Variants in RTTN observed in about 807,000 individuals in gnomAD.
RTTN encodes the protein rotatin.
In RTTN, 182 loss-of-function variants were observed where a neutral mutation model predicts 269.2. The ratio of observed to expected loss-of-function variants is 0.68; its 90% CI spans 0.60 to 0.76. RTTN has a LOEUF of 0.76. Ranked by LOEUF, RTTN falls within the 30% of genes least tolerant of loss-of-function variation. RTTN has a pLI of 0.00. For missense variants in RTTN, 2,545 were observed against 2,608.6 expected (o/e 0.98, Z 0.53); for synonymous variants, 1,006 against 963.5 (o/e 1.04, Z -0.82).
chr18:70,174,923 G>A (rs2061248950), intron 11 of RTTN, among the ~76,000 whole-genome samples: 1 of 150,906 alleles, frequency 6.6e-6, no homozygotes, highest in African/African-American at 2.4e-5. Flanking sequence ...AGCTACTTGG[G>A]AGGCTGAGGA....
At chr18:70,009,604 C>A (rs1021493137) in intron 46 of RTTN, among the ~76,000 whole-genome samples, 1 of 152,138 alleles carries the variant, frequency 6.6e-6, no homozygotes, top group Admixed American at 6.6e-5. Flanking sequence ...AAGGAAAAAC[C>A]TGTACCAGCC....
intron 10 of RTTN, 81 bp downstream of exon 10, chr18:70,188,027 G>T: frequency 2.6e-6 from 2 of 762,816 alleles, no homozygotes; most frequent in Non-Finnish European, 2.3e-6. Flanking sequence ...GAACACGAAT[G>T]AGACAATGAA....
At chr18:70,031,144 G>T (rs187359356) in intron 40 of RTTN, among the ~76,000 whole-genome samples, 163 bp from the exon 41 acceptor site, 1 of 152,172 alleles carries the variant, frequency 6.6e-6, no homozygotes, top group South Asian at 2.1e-4. Flanking sequence ...AATGTTCTGC[G>T]TGGATAAGAC....
intron 42 of RTTN, 74 bp downstream of exon 42, chr18:70,029,938 G>A (rs377344925): frequency 2.9e-5 from 29 of 1,003,766 alleles, no homozygotes; most frequent in African/African-American, 2.4e-4. Context: ...TTTCAAGCTC[G>A]TGCTCATTTC....
rs2057755807 is a variant in RTTN at position 70,054,298 on chromosome 18, A to C, written c.5032-14T>G. On this transcript the variant is annotated splice_polypyrimidine_tract_variant and intron_variant, in intron 37 of 48. Coordinates refer to ENST00000640769, the MANE Select transcript of RTTN (RefSeq NM_173630.4). The stretch of plus-strand genomic sequence containing the variant: ...GAGAAAGGAAACCTGTTTGAAAAGG[A>C]GACAGGGTCAAATCAAACATGCCAT... 6.3e-7 allele frequency: 1 copy of C among 1,598,994 alleles called. No homozygotes were observed. Among genetic ancestry groups the C allele is most frequent in the South Asian group, 1.1e-5 (1 of 88,330 alleles).
At chr18:70,064,049 T>C (rs996469818) in intron 35 of RTTN, among the ~76,000 whole-genome samples, 5 of 149,380 alleles carry the variant, frequency 3.3e-5, no homozygotes, top group Non-Finnish European at 7.4e-5. Context: ...GAAAGCATAC[T>C]ATTTGTGGAC....
intron 40 of RTTN, among the ~76,000 whole-genome samples, chr18:70,042,880 C>T (rs2057387057): frequency 6.6e-6 from 1 of 152,142 alleles, no homozygotes. Context: ...AGAAGAGACG[C>T]TACGCAAAAA....
Position 70,193,268 on chromosome 18 carries a change from G to C in RTTN, c.1007+20C>G. ...TTAACCGGCATTTCTCATTTCCCCAGAGACACTGCTAGCAGTCACCTAGAG... is the reference window on the plus strand; with the variant it reads ...TTAACCGGCATTTCTCATTTCCCCACAGACACTGCTAGCAGTCACCTAGAG... On this transcript the variant is annotated intron_variant, in intron 8 of 48. Coordinates refer to ENST00000640769, the MANE Select transcript of RTTN (RefSeq NM_173630.4). The C allele has an allele frequency of 1.9e-6, 3 of 1,591,084 alleles. No individual in the cohort carries two copies. The highest frequency in any genetic ancestry group is 2.6e-6 in the Non-Finnish European group (3 of 1,169,102).
intron 2 of RTTN, among the ~76,000 whole-genome samples, chr18:70,204,541 A>C (rs2062029309): frequency 6.6e-6 from 1 of 152,184 alleles, no homozygotes. Flanking sequence ...TTAATGGGTT[A>C]CTTTTTTCCA....
At chr18:70,155,678 C>T (rs942454512) in intron 14 of RTTN, among the ~76,000 whole-genome samples, 3 of 152,146 alleles carry the variant, frequency 2.0e-5, no homozygotes, top group Admixed American at 6.5e-5. Context: ...GAGGGTCTGG[C>T]GCAGTAATGG....
chr18:70,082,614 C>G (rs2058599281), intron 32 of RTTN, among the ~76,000 whole-genome samples: 1 of 152,176 alleles, frequency 6.6e-6, no homozygotes, highest in African/African-American at 2.4e-5. Flanking sequence ...AAACACTGGA[C>G]AGTTGGGAGC....
At chr18:70,060,690 G>T (rs548320308) in intron 35 of RTTN, among the ~76,000 whole-genome samples, 2 of 152,092 alleles carry the variant, frequency 1.3e-5, no homozygotes, top group East Asian at 3.9e-4. Context: ...TTGTGCTACT[G>T]AACACTAGAT....
At chr18:70,076,813 G>A (rs1416870024) in intron 32 of RTTN, among the ~76,000 whole-genome samples, 1 of 151,900 alleles carries the variant, frequency 6.6e-6, no homozygotes, top group Non-Finnish European at 1.5e-5. Context: ...GGGTTATGTG[G>A]CTCCTGTTTA....
chr18:70,184,286 G>T (rs1211978075), intron 10 of RTTN, among the ~76,000 whole-genome samples: 1 of 152,222 alleles, frequency 6.6e-6, no homozygotes, highest in Non-Finnish European at 1.5e-5. Context: ...GGGCACAGTG[G>T]CTCATGCCTG....
chr18:70,077,909 A>G (rs1342688451), intron 32 of RTTN, among the ~76,000 whole-genome samples: 1 of 151,864 alleles, frequency 6.6e-6, no homozygotes, highest in African/African-American at 2.4e-5. Context: ...AGAAATACAA[A>G]AGGAAATCAG....
Position 70,034,126 on chromosome 18 carries a change from T to C in RTTN, c.5542-3145A>G, listed in dbSNP as rs1317153568. ...ATTGACAGCCAAATTCTACCAGATC[T>C]ATAAAGAAGAGCTGATACCATTCTT... On this transcript the variant is annotated intron_variant, in intron 40 of 48. Coordinates refer to ENST00000640769, the MANE Select transcript of RTTN (RefSeq NM_173630.4). Among the ~76,000 whole-genome samples, 5 of 152,148 alleles carry C rather than the reference T, an allele frequency of 3.3e-5. No individual in the cohort carries two copies. The East Asian group carries it at 9.6e-4, about 29-fold the overall frequency.
chr18:70,163,458 CATAAA>C (rs2060902279), intron 14 of RTTN, among the ~76,000 whole-genome samples: 1 of 151,568 alleles, frequency 6.6e-6, no homozygotes, highest in Non-Finnish European at 1.5e-5. Context: ...CCAGTGGGAA[CATAAA>C]ATAGTACAGT....
intron 7 of RTTN, among the ~76,000 whole-genome samples, chr18:70,196,021 T>C (rs113288937): frequency 0.013 from 2,002 of 152,348 alleles, 29 homozygotes; most frequent in Middle Eastern, 0.027. Flanking sequence ...TGGTACTCTA[T>C]TTGGCCATTA....
chr18:70,094,772 T>A (rs1439099292), intron 28 of RTTN, among the ~76,000 whole-genome samples: 1 of 152,098 alleles, frequency 6.6e-6, no homozygotes, highest in African/African-American at 2.4e-5. Context: ...TGATTTGGGG[T>A]GGAGAGTTCT....
Sources: allele counts gnomAD v4.1 joint callset (sites outside exome capture counted in the v4.1 genomes callset), GRCh38; gene constraint gnomAD v4.1.1; transcripts MANE v1.5; gene names NCBI Gene and HGNC (gene_info 2026-07-23, HGNC 2026-07-21).